Variants in DCP1B observed in about 807,000 individuals in gnomAD.
DCP1B encodes the protein mRNA-decapping enzyme 1B.
Under a neutral mutation model 60.5 loss-of-function variants are expected in DCP1B, and 47 were observed. The observed-to-expected ratio is 0.78, with a 90% CI of 0.61 to 0.99. DCP1B has a LOEUF of 0.99. DCP1B is among the 50% of genes least tolerant of loss of function. The pLI, the probability that DCP1B is intolerant of heterozygous loss-of-function variation, is 0.00. For missense variants in DCP1B, 725 were observed against 756.8 expected, an observed-to-expected ratio of 0.96 and a Z score of 0.49; for synonymous variants, 267 against 280.3, an observed-to-expected ratio of 0.95 and a Z score of 0.47.
chr12:1,987,931 A>C (rs1043965931), intron 3 of DCP1B, among the ~76,000 whole-genome samples: 1 of 152,188 alleles, frequency 6.6e-6, no homozygotes, highest in East Asian at 1.9e-4. Context: ...AACTCTTAAA[A>C]AGTAGCTGTA....
chr12:1,963,684 C>T (rs1321280374), intron 5 of DCP1B, among the ~76,000 whole-genome samples: 1 of 152,102 alleles, frequency 6.6e-6, no homozygotes, highest in Non-Finnish European at 1.5e-5. Context: ...TCACATGACC[C>T]TATTGGTTTT....
intron 1 of DCP1B, among the ~76,000 whole-genome samples, chr12:2,003,907 C>T (rs954852905): frequency 5.3e-5 from 8 of 152,266 alleles, no homozygotes; most frequent in African/African-American, 1.9e-4. Flanking sequence ...TCCCTGCCTC[C>T]CCCATAGCCA....
intron 3 of DCP1B, among the ~76,000 whole-genome samples, chr12:1,987,092 G>A (rs539117573): frequency 2.0e-5 from 3 of 152,116 alleles, no homozygotes; most frequent in South Asian, 2.1e-4. Flanking sequence ...CTATTACCAC[G>A]CATGCTTAAA....
chr12:1,970,201 G>T (rs553965967), intron 3 of DCP1B, among the ~76,000 whole-genome samples: 3 of 152,256 alleles, frequency 2.0e-5, no homozygotes, highest in Admixed American at 6.5e-5. Flanking sequence ...TTTAGGGAGC[G>T]AAAATGCTAC....
At chr12:1,950,165 T>C (rs1238407592) in intron 7 of DCP1B, 6 of 583,188 alleles carry the variant, frequency 1.0e-5, no homozygotes, top group Non-Finnish European at 1.8e-5. Context: ...AAGCTAGAAG[T>C]TGCTGTAATT....
chr12:1,953,042 T>C lies in DCP1B; in HGVS notation c.898A>G (p.Arg300Gly). The C allele has an allele frequency of 1.2e-5, 19 of 1,614,196 alleles. No homozygotes were observed. Among genetic ancestry groups the C allele is most frequent in the Non-Finnish European group, 1.6e-5 (19 of 1,180,030 alleles). ...GACAATGGGTGGAGGTCTGCGCTCCTGACCATGAGTTTCTGAATGGCTGGA... is the reference window on the plus strand; with the variant it reads ...GACAATGGGTGGAGGTCTGCGCTCCCGACCATGAGTTTCTGAATGGCTGGA... ...LCPAIQKLMV[R>G]SADLHPLSEL... Residue 300 changes from arginine to glycine, a missense_variant, in exon 7 of 9, where the codon AGG (arginine) becomes GGG (glycine). Coordinates refer to ENST00000280665, the MANE Select transcript of DCP1B (RefSeq NM_152640.5).
chr12:1,993,399 T>C lies in DCP1B; in HGVS notation c.192-8A>G. On this transcript the variant is annotated splice_polypyrimidine_tract_variant and splice_region_variant and intron_variant, in intron 2 of 8. Coordinates refer to ENST00000280665, the MANE Select transcript of DCP1B (RefSeq NM_152640.5). ...TGCTTTGGAGAAGCAGACCTAAAAA[T>C]CACAAGGAGTCAGGGGGAAATCAAT... 1 of 1,608,688 alleles carries C rather than the reference T, an allele frequency of 6.2e-7. No individual in the cohort carries two copies. Among genetic ancestry groups the C allele is most frequent in the Non-Finnish European group, 8.5e-7 (1 of 1,176,380 alleles).
chr12:1,946,540 A>G (rs1448326161), intron 8 of DCP1B, among the ~76,000 whole-genome samples: 1 of 152,250 alleles, frequency 6.6e-6, no homozygotes, highest in African/African-American at 2.4e-5. Flanking sequence ...TGGGCAGCCC[A>G]GACACATGGC....
chr12:1,991,201 G>C lies in DCP1B; in HGVS notation c.319+2063C>G, dbSNP rs775522708. On this transcript the variant is annotated intron_variant, in intron 3 of 8. Coordinates refer to ENST00000280665, the MANE Select transcript of DCP1B (RefSeq NM_152640.5). Reference sequence around the variant, plus strand: ...AACGGAAGTGAAATCAGAATCTGTGGGTTTTTACACAGTCTGCCTCCTCAC... The same window carrying C: ...AACGGAAGTGAAATCAGAATCTGTGCGTTTTTACACAGTCTGCCTCCTCAC... 24 of 455,922 alleles carry C rather than the reference G, an allele frequency of 5.3e-5. 1 individual carries two copies. The highest frequency in any genetic ancestry group is 4.4e-6 in the Non-Finnish European group (1 of 226,870). 28.2% of individuals were successfully genotyped at this position (455,922 alleles called of 1,614,324 possible). A position where few individuals can be genotyped will look rare whatever the true frequency, so the allele number is the denominator to read the frequency against.
chr12:1,965,513 C>T (rs199521846), intron 5 of DCP1B, 45 bp downstream of exon 5: 47 of 1,543,968 alleles, frequency 3.0e-5, no homozygotes, highest in African/African-American at 9.8e-5. Context: ...ATTCCCACTG[C>T]GGAACTGAAG....
intron 2 of DCP1B, among the ~76,000 whole-genome samples, chr12:1,996,376 C>T (rs11062049): frequency 6.6e-6 from 1 of 151,982 alleles, no homozygotes; most frequent in Admixed American, 6.5e-5. Context: ...TGCACCACAT[C>T]TCCCTCACTG....
Position 2,004,441 on chromosome 12 carries a change from C to T in DCP1B, c.-10G>A, listed in dbSNP as rs760521601. 1.2e-6 allele frequency: 2 copies of T among 1,603,864 alleles called. No homozygotes were observed. The highest frequency in any genetic ancestry group is 1.1e-5 in the South Asian group (1 of 89,522). ...CCGCCACGGCTGCCATCTTCCCTCC[C>T]TCCCAGACATAGGCACGGGGCTCTT... is the stretch of plus-strand genomic sequence containing the variant. On this transcript the variant is annotated 5_prime_UTR_variant, in exon 1 of 9. Transcript: ENST00000280665.
intron 8 of DCP1B, among the ~76,000 whole-genome samples, chr12:1,947,741 G>C (rs1333997640): frequency 6.6e-6 from 1 of 152,222 alleles, no homozygotes; most frequent in Non-Finnish European, 1.5e-5. Flanking sequence ...TTATGAATTA[G>C]TAGGGCTCAA....
At chr12:1,974,584 C>A (rs1425068855) in intron 3 of DCP1B, among the ~76,000 whole-genome samples, 1 of 152,124 alleles carries the variant, frequency 6.6e-6, no homozygotes, top group Non-Finnish European at 1.5e-5. Context: ...AACAATTCTG[C>A]AAAATCACAT....
rs1322130886 is a variant in DCP1B at position 1,948,338 on chromosome 12, C to T, written c.1773+748G>A. ...GGGGGCCAGGCTGGGTGCATCCCAG[C>T]CCTGCTTATGTACGAGCTCCGTGCC... On this transcript the variant is annotated intron_variant, in intron 8 of 8. Coordinates refer to ENST00000280665, the MANE Select transcript of DCP1B (RefSeq NM_152640.5). The surrounding 1 kb of genome is among the most constrained non-coding windows in gnomAD (Gnocchi z 4.8). Among the ~76,000 whole-genome samples the T allele has an allele frequency of 1.3e-5, 2 of 152,190 alleles. No individual in the cohort carries two copies. The highest frequency in any genetic ancestry group is 4.8e-5 in the African/African-American group (2 of 41,436).
Position 1,985,365 on chromosome 12 carries a change from C to T in DCP1B, c.319+7899G>A, listed in dbSNP as rs977401602. 3.9e-5 allele frequency among the ~76,000 whole-genome samples: 6 copies of T among 152,280 alleles called. No homozygotes were observed. In the South Asian group the frequency reaches 1.2e-3, roughly 32 times the overall value. On this transcript the variant is annotated intron_variant, in intron 3 of 8. Transcript: ENST00000280665. ...ATTGACCTATCTATGAGTTCACTAA[C>T]TCTTCTTTCCACTGTCATCTGCATT...
chr12:1,960,324 T>C lies in DCP1B; in HGVS notation c.523-4764A>G, dbSNP rs1028322695. ...AGTACTGCATGATTTCACTCCTACA[T>C]GAAATCCAGAGAAGCTGAACCCACT... is the stretch of plus-strand genomic sequence containing the variant. On this transcript the variant is annotated intron_variant, in intron 5 of 8. Coordinates refer to ENST00000280665, the MANE Select transcript of DCP1B (RefSeq NM_152640.5). Among the ~76,000 whole-genome samples the C allele has an allele frequency of 3.3e-5, 5 of 152,324 alleles. No individual in the cohort carries two copies. In the East Asian group the frequency reaches 9.6e-4, roughly 29 times the overall value.
intron 3 of DCP1B, chr12:1,992,132 C>A: frequency 3.9e-6 from 1 of 259,628 alleles, no homozygotes; most frequent in South Asian, 4.4e-5. Flanking sequence ...TACCTTTCGG[C>A]AAAGAAACAT....
intron 5 of DCP1B, among the ~76,000 whole-genome samples, chr12:1,964,029 A>T (rs1385671143): frequency 2.0e-5 from 3 of 152,202 alleles, no homozygotes; most frequent in Non-Finnish European, 4.4e-5. Flanking sequence ...TAGAAAAATT[A>T]CAATGCCAAC....
Sources: allele counts gnomAD v4.1 joint callset (sites outside exome capture counted in the v4.1 genomes callset), GRCh38; gene constraint gnomAD v4.1.1; non-coding constraint Gnocchi (gnomAD v3.1); transcripts MANE v1.5; gene names NCBI Gene and HGNC (gene_info 2026-07-23, HGNC 2026-07-21).